The following GNAQ variants were observed in gnomAD, a reference collection of about 807,000 sequenced individuals.
GNAQ encodes the protein G protein subunit alpha q, also known as guanine nucleotide-binding protein G(q) subunit alpha.
Under a neutral mutation model 43.9 loss-of-function variants are expected in GNAQ, and 8 were observed. The ratio of observed to expected loss-of-function variants is 0.18; its 90% CI spans 0.11 to 0.33. GNAQ has a LOEUF of 0.33. Among genes scored for constraint, GNAQ ranks in the 10% least tolerant of loss-of-function variants. The pLI is 1.00. For synonymous variants in GNAQ, 155 were observed against 170.7 expected, an observed-to-expected ratio of 0.91 and a Z score of 0.71; for missense variants, 158 against 450.8, an observed-to-expected ratio of 0.35 and a Z score of 5.88.
chr9:77,982,719 G>C (rs1240200215), intron 1 of GNAQ, among the ~76,000 whole-genome samples: 1 of 144,596 alleles, frequency 6.9e-6, no homozygotes, highest in Non-Finnish European at 1.5e-5. Flanking sequence ...GTATCGAACT[G>C]TTGATTCTAT....
At position 77,721,090 on chromosome 9, in the gene GNAQ, A is replaced by C. The variant is rs2118189426; in HGVS notation, c.*233T>G. The C allele has an allele frequency of 2.5e-6, 1 of 395,864 alleles. No homozygotes were observed. Among genetic ancestry groups the C allele is most frequent in the South Asian group, 8.5e-5 (1 of 11,740 alleles). 24.5% of individuals were successfully genotyped at this position (395,864 alleles called of 1,614,324 possible). A position where few individuals can be genotyped will look rare whatever the true frequency, so the allele number is the denominator to read the frequency against. On this transcript the variant is annotated 3_prime_UTR_variant, in exon 7 of 7. Coordinates refer to ENST00000286548, the MANE Select transcript of GNAQ (RefSeq NM_002072.5). ...CTGAGTCACAAGGTTTTGCCTAAAA[A>C]AAAGATAGAGAGGAAATGTGCTGGG...
chr9:77,725,568 T>C (rs1587884503), intron 6 of GNAQ, among the ~76,000 whole-genome samples: 1 of 98,558 alleles, frequency 1.0e-5, no homozygotes, highest in South Asian at 3.0e-4. Flanking sequence ...TATACTGGGG[T>C]AAGGTAACAG....
At chr9:77,834,493 T>C (rs1827352649) in intron 2 of GNAQ, among the ~76,000 whole-genome samples, 1 of 128,020 alleles carries the variant, frequency 7.8e-6, no homozygotes, top group African/African-American at 2.6e-5. Flanking sequence ...TTCTTTCAAA[T>C]ACACTATTCT....
In GNAQ at chr9:77,925,187, A is replaced by G. The variant is rs930322761; in HGVS notation, c.137-2842T>C. On this transcript the variant is annotated intron_variant, in intron 1 of 6. Transcript: ENST00000286548. ...ACCTGGTCCACTCCTCAATCCCCAC[A>G]CTGGAGTGTGCTGTTCGTTTCCTTC... 7.2e-5 allele frequency among the ~76,000 whole-genome samples: 11 copies of G among 152,092 alleles called. No individual in the cohort carries two copies. The East Asian group carries it at 2.1e-3, about 30-fold the overall frequency.
rs543308920 is a variant in GNAQ at position 77,892,986 on chromosome 9, A to T, written c.321+29175T>A. Among the ~76,000 whole-genome samples the T allele has an allele frequency of 2.5e-4, 38 of 152,272 alleles. No homozygotes were observed. The East Asian group carries it at 6.8e-3, about 27-fold the overall frequency. On this transcript the variant is annotated intron_variant, in intron 2 of 6. Coordinates refer to ENST00000286548, the MANE Select transcript of GNAQ (RefSeq NM_002072.5). Reference sequence around the variant, plus strand: ...CTCTATCAAAATGTCAAAGGGTTTTATTGTTCCATCCATTACTTAATTATC... The same window carrying T: ...CTCTATCAAAATGTCAAAGGGTTTTTTTGTTCCATCCATTACTTAATTATC...
intron 5 of GNAQ, among the ~76,000 whole-genome samples, chr9:77,776,860 T>C (rs1431458385): frequency 6.6e-6 from 1 of 150,510 alleles, no homozygotes; most frequent in Non-Finnish European, 1.5e-5. Flanking sequence ...AAATCCCAGG[T>C]GCCTTTTTTT....
At chr9:77,956,444 A>G (rs1049716361) in intron 1 of GNAQ, among the ~76,000 whole-genome samples, 1 of 152,194 alleles carries the variant, frequency 6.6e-6, no homozygotes, top group African/African-American at 2.4e-5. Flanking sequence ...GAGCTAGGAA[A>G]ATGGCTTCCA....
intron 1 of GNAQ, among the ~76,000 whole-genome samples, chr9:77,943,321 T>A (rs1284123718): frequency 6.6e-6 from 1 of 152,204 alleles, no homozygotes; most frequent in East Asian, 1.9e-4. Context: ...TTAACTACAG[T>A]ATATACTGAC....
chr9:77,919,077 G>A (rs745344843), intron 2 of GNAQ, among the ~76,000 whole-genome samples: 23 of 151,970 alleles, frequency 1.5e-4, no homozygotes, highest in Admixed American at 4.6e-4. Flanking sequence ...GTGCCACCAC[G>A]CCTGGCTAAT....
chr9:77,775,719 T>C (rs959299737), intron 5 of GNAQ, among the ~76,000 whole-genome samples: 11 of 152,200 alleles, frequency 7.2e-5, no homozygotes, highest in Non-Finnish European at 1.6e-4. Flanking sequence ...CTTTTTATCT[T>C]TGCCATTCTA....
At chr9:77,786,006 A>G (rs958570876) in intron 5 of GNAQ, among the ~76,000 whole-genome samples, 2 of 152,154 alleles carry the variant, frequency 1.3e-5, no homozygotes, top group Non-Finnish European at 2.9e-5. Flanking sequence ...CAAATAGCCC[A>G]GAGAAAGACT....
intron 1 of GNAQ, among the ~76,000 whole-genome samples, chr9:78,014,829 C>T (rs2118589784): frequency 6.6e-6 from 1 of 152,300 alleles, no homozygotes; most frequent in South Asian, 2.1e-4. Flanking sequence ...CAGTCCTACA[C>T]CACATTAACA....
At chr9:77,732,464 C>G (rs1014302167) in intron 5 of GNAQ, among the ~76,000 whole-genome samples, 8 of 150,756 alleles carry the variant, frequency 5.3e-5, no homozygotes, top group African/African-American at 1.9e-4. Flanking sequence ...CTCCTGAGTT[C>G]AAGCGATTCT....
rs371038860 is a variant in GNAQ, at chr9:77,752,580, T to C, written c.736-23913A>G. On this transcript the variant is annotated intron_variant, in intron 5 of 6. Transcript: ENST00000286548. ...CTTGCTCCCAAACCCACAAAGTTAT[T>C]TCTGGTGAAGCCAAGACTAGAACTC... Among the ~76,000 whole-genome samples the C allele has an allele frequency of 2.6e-5, 4 of 152,198 alleles. No homozygotes were observed. In the South Asian group the frequency reaches 6.2e-4, roughly 24 times the overall value.
intron 2 of GNAQ, among the ~76,000 whole-genome samples, chr9:77,861,414 GT>G (rs1827848800): frequency 6.6e-6 from 1 of 152,036 alleles, no homozygotes; most frequent in South Asian, 2.1e-4. Flanking sequence ...CTTCCCAACA[GT>G]CCCCCAAAGT....
intron 2 of GNAQ, among the ~76,000 whole-genome samples, chr9:77,858,147 T>C (rs1038050151): frequency 1.3e-5 from 2 of 152,088 alleles, no homozygotes; most frequent in Non-Finnish European, 1.5e-5. Flanking sequence ...ATGAGGAGTA[T>C]CTAGGATTTC....
chr9:77,926,104 G>T (rs1469586843), intron 1 of GNAQ, among the ~76,000 whole-genome samples: 1 of 152,094 alleles, frequency 6.6e-6, no homozygotes, highest in African/African-American at 2.4e-5. Flanking sequence ...AAATGCATAT[G>T]GACTAAAACA....
chr9:77,953,471 G>C (rs1228194916), intron 1 of GNAQ, among the ~76,000 whole-genome samples: 2 of 152,158 alleles, frequency 1.3e-5, no homozygotes, highest in African/African-American at 4.8e-5. Flanking sequence ...ATGGAGGAGA[G>C]GTGTGTTTTC....
At chr9:77,887,850 C>T (rs1828336101) in intron 2 of GNAQ, among the ~76,000 whole-genome samples, 1 of 152,182 alleles carries the variant, frequency 6.6e-6, no homozygotes, top group African/African-American at 2.4e-5. Context: ...CACTCTTAAT[C>T]ATTTTGTCCA....
Sources: allele counts gnomAD v4.1 joint callset (sites outside exome capture counted in the v4.1 genomes callset), GRCh38; gene constraint gnomAD v4.1.1; transcripts MANE v1.5; gene names NCBI Gene and HGNC (gene_info 2026-07-23, HGNC 2026-07-21).